The following PIGK variants were observed in gnomAD, a reference collection of about 807,000 sequenced individuals.
PIGK encodes the protein phosphatidylinositol glycan anchor biosynthesis class K.
A neutral mutation model predicts 50.6 loss-of-function variants in PIGK; 42 were observed. That is an observed-to-expected ratio of 0.83 (90% confidence interval 0.65 to 1.07). PIGK has a LOEUF of 1.07. PIGK is among the 50% of genes least tolerant of loss of function. The pLI is 0.00. For synonymous variants in PIGK, 151 were observed against 156.0 expected, an observed-to-expected ratio of 0.97 and a Z score of 0.24; for missense variants, 448 against 488.7, an observed-to-expected ratio of 0.92 and a Z score of 0.78.
intron 1 of PIGK, 38 bp downstream of exon 1, chr1:77,219,272 C>T (rs772619111): frequency 4.5e-6 from 7 of 1,550,314 alleles, no homozygotes; most frequent in Middle Eastern, 1.7e-4. Flanking sequence ...GGCTCACAGC[C>T]GGCCTCCCGG....
chr1:77,144,667 A>AT (rs1437842878), intron 9 of PIGK, among the ~76,000 whole-genome samples: 2 of 151,916 alleles, frequency 1.3e-5, no homozygotes, highest in Non-Finnish European at 2.9e-5. Context: ...GCTTTTGTTA[A>AT]TTACAGATAG....
intron 9 of PIGK, among the ~76,000 whole-genome samples, chr1:77,146,449 G>T (rs1382263490): frequency 6.6e-6 from 1 of 152,036 alleles, no homozygotes; most frequent in Non-Finnish European, 1.5e-5. Context: ...ATCGCCTGAG[G>T]CCAGTAGTTT....
At chr1:77,192,345 T>C (rs1260066970) in intron 3 of PIGK, among the ~76,000 whole-genome samples, 2 of 152,160 alleles carry the variant, frequency 1.3e-5, no homozygotes, top group African/African-American at 4.8e-5. Flanking sequence ...AATTCAACAA[T>C]ACATACATTT....
chr1:77,129,234 A>G, intron 9 of PIGK: 2 of 1,609,212 alleles, frequency 1.2e-6, no homozygotes, highest in Non-Finnish European at 1.7e-6. Context: ...GGGTATGCAT[A>G]TACAAAAAGC....
intron 9 of PIGK, among the ~76,000 whole-genome samples, chr1:77,133,678 G>A (rs1277852294): frequency 6.6e-6 from 1 of 152,184 alleles, no homozygotes; most frequent in Non-Finnish European, 1.5e-5. Context: ...TTCAGGGACT[G>A]AGCTGAATTT....
chr1:77,091,625 A>C lies in PIGK; in HGVS notation c.*749T>G, dbSNP rs1302987194. ...CAGTACGTGAAATTATCAAAGGTCTAAAATTTCCCAAATAAACTGACAACA... is the reference window on the plus strand; with the variant it reads ...CAGTACGTGAAATTATCAAAGGTCTCAAATTTCCCAAATAAACTGACAACA... On this transcript the variant is annotated 3_prime_UTR_variant, in exon 11 of 11. Transcript: ENST00000370812. 2 of 152,188 alleles carry C rather than the reference A, an allele frequency of 1.3e-5. No homozygotes were observed. 9.4% of individuals were successfully genotyped at this position (152,188 alleles called of 1,614,324 possible). A position where few individuals can be genotyped will look rare whatever the true frequency, so the allele number is the denominator to read the frequency against.
chr1:77,135,946 C>G (rs1222984199), intron 9 of PIGK, among the ~76,000 whole-genome samples: 2 of 152,062 alleles, frequency 1.3e-5, no homozygotes, highest in Non-Finnish European at 2.9e-5. Context: ...AAAATATATT[C>G]AGTTTTTGCT....
intron 3 of PIGK, among the ~76,000 whole-genome samples, chr1:77,203,862 C>A (rs1284994929): frequency 2.0e-5 from 3 of 152,140 alleles, no homozygotes; most frequent in Non-Finnish European, 4.4e-5. Context: ...ATTTCCTATG[C>A]CTGTCTTTAG....
In PIGK at chr1:77,090,344, A is replaced by G. The variant is rs1653267763; in HGVS notation, c.*2030T>C. Reference sequence around the variant, plus strand: ...AAGGCAGAGTATGCTCTATGTAAAAAGATTATGGTTATAAGTGAAACATTT... The same window carrying G: ...AAGGCAGAGTATGCTCTATGTAAAAGGATTATGGTTATAAGTGAAACATTT... On this transcript the variant is annotated 3_prime_UTR_variant, in exon 11 of 11. Coordinates refer to ENST00000370812, the MANE Select transcript of PIGK (RefSeq NM_005482.3). 1 of 152,254 alleles carries G rather than the reference A, an allele frequency of 6.6e-6. No individual in the cohort carries two copies. Among genetic ancestry groups the G allele is most frequent in the Non-Finnish European group, 1.5e-5 (1 of 68,040 alleles). 9.4% of individuals were successfully genotyped at this position (152,254 alleles called of 1,614,324 possible). A position where few individuals can be genotyped will look rare whatever the true frequency, so the allele number is the denominator to read the frequency against.
intron 4 of PIGK, among the ~76,000 whole-genome samples, chr1:77,168,845 A>G (rs972258212): frequency 6.6e-6 from 1 of 152,056 alleles, no homozygotes; most frequent in African/African-American, 2.4e-5. Context: ...TTCTTATCAC[A>G]TATTCATAAA....
chr1:77,203,785 C>T (rs560702655), intron 3 of PIGK, among the ~76,000 whole-genome samples: 1 of 152,172 alleles, frequency 6.6e-6, no homozygotes, highest in Admixed American at 6.5e-5. Context: ...GTCTTTACTG[C>T]AATCTCTGAA....
chr1:77,215,933 A>C (rs187182518), intron 1 of PIGK, among the ~76,000 whole-genome samples: 262 of 152,264 alleles, frequency 1.7e-3, no homozygotes, highest in African/African-American at 6.1e-3. Flanking sequence ...GCTGGGAAGA[A>C]TAGGAAGGTG....
chr1:77,178,871 G>A (rs912651032), intron 3 of PIGK, among the ~76,000 whole-genome samples: 1 of 152,216 alleles, frequency 6.6e-6, no homozygotes, highest in Admixed American at 6.5e-5. Context: ...GACATGCTGA[G>A]ACCAGAAACC....
intron 10 of PIGK, among the ~76,000 whole-genome samples, chr1:77,113,004 C>T (rs1653888060): frequency 6.6e-6 from 1 of 151,954 alleles, no homozygotes; most frequent in South Asian, 2.1e-4. Flanking sequence ...TAAGGGACAA[C>T]AGAAAAAGAA....
Position 77,169,305 on chromosome 1 carries a change from T to TAA in PIGK, c.329_330insTT (p.Asn111Ter), listed in dbSNP as rs778946833. 6.3e-7 allele frequency: 1 copy of TAA among 1,597,992 alleles called. No individual in the cohort carries two copies. The highest frequency in any genetic ancestry group is 1.7e-5 in the Admixed American group (1 of 58,322). On this transcript the variant is annotated frameshift_variant, in exon 4 of 11. Transcript: ENST00000370812. LOFTEE classifies it high-confidence loss of function. The stretch of plus-strand genomic sequence containing the variant: ...CTTCCACATCATCTCCATACACATT[T>TAA]AGTTCCATATTCTTGTGACTAAACA...
At chr1:77,120,196 T>A (rs1654066912) in intron 10 of PIGK, among the ~76,000 whole-genome samples, 3 of 152,166 alleles carry the variant, frequency 2.0e-5, no homozygotes, top group African/African-American at 4.8e-5. Context: ...ATTACTGTTC[T>A]CTTAGGAAAA....
At chr1:77,169,612 A>T (rs1198506299) in intron 3 of PIGK, among the ~76,000 whole-genome samples, 1 of 152,126 alleles carries the variant, frequency 6.6e-6, no homozygotes, top group African/African-American at 2.4e-5. Flanking sequence ...TAAAGTTATG[A>T]AGGCACTTTA....
In PIGK at chr1:77,182,990, G is replaced by A. The variant is rs552295052; in HGVS notation, c.240-13595C>T. Among the ~76,000 whole-genome samples the A allele has an allele frequency of 7.2e-5, 11 of 152,086 alleles. No homozygotes were observed. The East Asian group carries it at 9.6e-4, about 13-fold the overall frequency. On this transcript the variant is annotated intron_variant, in intron 3 of 10. Coordinates refer to ENST00000370812, the MANE Select transcript of PIGK (RefSeq NM_005482.3). ...GATGAACTCAGGGATTCTGTCTCCC[G>A]GCTTCAGATACTGAGCCTCCCATCT...
chr1:77,099,676 T>C (rs957133553), intron 10 of PIGK, among the ~76,000 whole-genome samples: 1 of 152,196 alleles, frequency 6.6e-6, no homozygotes, highest in Non-Finnish European at 1.5e-5. Flanking sequence ...TTTACAATGA[T>C]TTTACTTACA....
Sources: allele counts gnomAD v4.1 joint callset (sites outside exome capture counted in the v4.1 genomes callset), GRCh38; gene constraint gnomAD v4.1.1; transcripts MANE v1.5; gene names NCBI Gene and HGNC (gene_info 2026-07-23, HGNC 2026-07-21).